HTR1F: variants seen among roughly 807,000 people sequenced by gnomAD.
HTR1F encodes 5-hydroxytryptamine receptor 1F.
In HTR1F, 17 loss-of-function variants were observed where a neutral mutation model predicts 24.0. The ratio of observed to expected loss-of-function variants is 0.71; its 90% confidence interval spans 0.48 to 1.06. The LOEUF (loss-of-function observed/expected upper bound fraction) is 1.06, where lower values mean the gene tolerates loss of function less well. Among genes scored for constraint, HTR1F ranks in the 50% least tolerant of loss-of-function variants. The pLI is 0.00. For missense variants in HTR1F, 391 were observed against 427.8 expected (o/e 0.91, Z 0.76); for synonymous variants, 186 against 156.8 (o/e 1.19, Z -1.39).
At position 87,824,519 on chromosome 3, in the gene HTR1F, G is replaced by A. The variant is rs559662662; in HGVS notation, c.-43+2395G>A. On this transcript the variant is annotated intron_variant, in intron 2 of 2. Transcript: ENST00000319595. The stretch of plus-strand genomic sequence containing the variant: ...CTCTATTAGGAAAACATTTTTTTCC[G>A]TTTTATTCTCAAGTCAGTATAGTGG... Among the ~76,000 whole-genome samples, 18 of 151,786 alleles carry A rather than the reference G, an allele frequency of 1.2e-4. No individual in the cohort carries two copies. In the East Asian group the frequency reaches 1.9e-3, roughly 16 times the overall value.
chr3:87,848,073 G>GT (rs1214020885), intron 2 of HTR1F, among the ~76,000 whole-genome samples: 1 of 151,792 alleles, frequency 6.6e-6, no homozygotes, highest in African/African-American at 2.4e-5. Flanking sequence ...CCTCTTTTTA[G>GT]TTTTTTGAGA....
chr3:87,855,458 C>A (rs558815485), intron 2 of HTR1F, among the ~76,000 whole-genome samples: 15 of 152,018 alleles, frequency 9.9e-5, no homozygotes, highest in Non-Finnish European at 1.9e-4. Context: ...AGGGTGAAAA[C>A]CCTCCAGTCG....
chr3:87,820,624 T>G (rs1452252353), intron 1 of HTR1F, among the ~76,000 whole-genome samples: 1 of 152,152 alleles, frequency 6.6e-6, no homozygotes, highest in Non-Finnish European at 1.5e-5. Flanking sequence ...CTTCATAAAA[T>G]ATCTTCACAT....
intron 2 of HTR1F, among the ~76,000 whole-genome samples, chr3:87,867,948 A>G (rs999987254): frequency 2.6e-5 from 4 of 152,116 alleles, no homozygotes; most frequent in Non-Finnish European, 5.9e-5. Flanking sequence ...AATGGAATAA[A>G]CTGTAGCACT....
chr3:87,792,982 G>A (rs1009315308), intron 1 of HTR1F, among the ~76,000 whole-genome samples, 140 bp downstream of exon 1: 1 of 152,244 alleles, frequency 6.6e-6, no homozygotes, highest in Non-Finnish European at 1.5e-5. Flanking sequence ...GGAAGCCGGC[G>A]CCAAGTCCTT....
intron 2 of HTR1F, among the ~76,000 whole-genome samples, chr3:87,940,087 G>C (rs1237864802): frequency 6.6e-6 from 1 of 152,144 alleles, no homozygotes; most frequent in Non-Finnish European, 1.5e-5. Context: ...TGGTTTCAAA[G>C]AACTTATTTA....
intron 2 of HTR1F, among the ~76,000 whole-genome samples, chr3:87,959,937 A>T (rs1261682554): frequency 6.6e-6 from 1 of 151,988 alleles, no homozygotes; most frequent in Non-Finnish European, 1.5e-5. Context: ...ATCTGAAAAA[A>T]TCCTTAAATT....
At chr3:87,794,977 A>T in intron 1 of HTR1F, among the ~76,000 whole-genome samples, 1 of 138,932 alleles carries the variant, frequency 7.2e-6, no homozygotes. Context: ...CAAAATTATG[A>T]CTGACTTTTT....
At chr3:87,884,085 A>G (rs1326239658) in intron 2 of HTR1F, among the ~76,000 whole-genome samples, 1 of 152,200 alleles carries the variant, frequency 6.6e-6, no homozygotes, top group Non-Finnish European at 1.5e-5. Context: ...TGTTAAGGGC[A>G]GCCAGAAAGA....
At chr3:87,953,172 A>G (rs1488354801) in intron 2 of HTR1F, among the ~76,000 whole-genome samples, 1 of 151,798 alleles carries the variant, frequency 6.6e-6, no homozygotes, top group Non-Finnish European at 1.5e-5. Flanking sequence ...CTTCAAAAGC[A>G]CAGGCAACAA....
intron 2 of HTR1F, among the ~76,000 whole-genome samples, chr3:87,877,934 A>C (rs191736652): frequency 9.8e-4 from 149 of 152,304 alleles, no homozygotes; most frequent in African/African-American, 3.5e-3. Context: ...TGAATTATAT[A>C]AAGTTTATCC....
chr3:87,846,027 C>G lies in HTR1F; in HGVS notation c.-43+23903C>G, dbSNP rs541827209. On this transcript the variant is annotated intron_variant, in intron 2 of 2. Coordinates refer to ENST00000319595, the MANE Select transcript of HTR1F (RefSeq NM_001322209.2). ...ACACTCACTATGTGCTAGCCATCTT[C>G]TAGGGCTAGGGATAAGCAGTAAACC... 1.4e-3 allele frequency among the ~76,000 whole-genome samples: 219 copies of G among 151,934 alleles called. 3 individuals are homozygous for G. The highest frequency in any genetic ancestry group is 5.1e-3 in the African/African-American group (210 of 41,278).
rs574931876 is a variant in HTR1F at position 87,881,753 on chromosome 3, A to G, written c.-43+59629A>G. Among the ~76,000 whole-genome samples the G allele has an allele frequency of 2.0e-5, 3 of 152,352 alleles. No individual in the cohort carries two copies. In the South Asian group the frequency reaches 6.2e-4, roughly 32 times the overall value. On this transcript the variant is annotated intron_variant, in intron 2 of 2. Coordinates refer to ENST00000319595, the MANE Select transcript of HTR1F (RefSeq NM_001322209.2). ...TAAACGTTAGACCTAAAACCATAAAAACCCTAGAAGAAAACCTAGGCAATA... is the reference window on the plus strand; with the variant it reads ...TAAACGTTAGACCTAAAACCATAAAGACCCTAGAAGAAAACCTAGGCAATA...
At chr3:87,930,532 C>T (rs748909757) in intron 2 of HTR1F, among the ~76,000 whole-genome samples, 3 of 152,202 alleles carry the variant, frequency 2.0e-5, no homozygotes, top group Middle Eastern at 3.4e-3. Context: ...TCTGCATCTA[C>T]TGAGAGACAA....
At chr3:87,941,300 C>T (rs1193136644) in intron 2 of HTR1F, among the ~76,000 whole-genome samples, 1 of 152,280 alleles carries the variant, frequency 6.6e-6, no homozygotes, top group Middle Eastern at 3.4e-3. Context: ...TGCCAAGGAA[C>T]CCTCTTAGTT....
At chr3:87,876,443 G>A (rs1410551936) in intron 2 of HTR1F, among the ~76,000 whole-genome samples, 2 of 152,096 alleles carry the variant, frequency 1.3e-5, no homozygotes, top group African/African-American at 2.4e-5. Context: ...TCTTAAAAAA[G>A]AAAGACATCT....
intron 2 of HTR1F, among the ~76,000 whole-genome samples, chr3:87,839,428 T>C (rs901928636): frequency 1.3e-5 from 2 of 152,168 alleles, no homozygotes; most frequent in African/African-American, 4.8e-5. Flanking sequence ...TCTGTTTTTA[T>C]GCCAGTACCA....
Position 87,899,995 on chromosome 3 carries a change from ATAAT to A in HTR1F, c.-43+77875_-43+77878del, listed in dbSNP as rs576217916. Among the ~76,000 whole-genome samples the A allele has an allele frequency of 3.9e-5, 6 of 152,346 alleles. No homozygotes were observed. The East Asian group carries it at 1.2e-3, about 29-fold the overall frequency. Reference sequence around the variant, plus strand: ...TGCAGAAAGGCAGATATAAACCAAAATAATTAAGTTCATTTTATAGTATTTTCAA... The same window carrying A: ...TGCAGAAAGGCAGATATAAACCAAAATAAGTTCATTTTATAGTATTTTCAA... On this transcript the variant is annotated intron_variant, in intron 2 of 2. Coordinates refer to ENST00000319595, the MANE Select transcript of HTR1F (RefSeq NM_001322209.2).
chr3:87,973,119 C>T (rs1215521987), intron 2 of HTR1F, among the ~76,000 whole-genome samples: 4 of 152,004 alleles, frequency 2.6e-5, no homozygotes, highest in Admixed American at 6.6e-5. Context: ...TGCAGTGAAC[C>T]GAGATTGCAC....
Sources: allele counts gnomAD v4.1 joint callset (sites outside exome capture counted in the v4.1 genomes callset), GRCh38; gene constraint gnomAD v4.1.1; transcripts MANE v1.5; gene names NCBI Gene and HGNC (gene_info 2026-07-23, HGNC 2026-07-21).